The following HMSD variants were observed in gnomAD, a reference collection of about 807,000 sequenced individuals.
HMSD encodes the protein histocompatibility minor serpin domain containing.
In HMSD, 13 loss-of-function variants were observed where a neutral mutation model predicts 10.0. The observed-to-expected ratio is 1.31, with a 90% CI of 0.85 to 2.08. The LOEUF is 2.08. HMSD is among the 30% of genes most tolerant of loss of function. The pLI is 0.00. For synonymous variants in HMSD, 51 were observed against 54.2 expected (o/e 0.94, Z 0.26); for missense variants, 169 against 166.3 (o/e 1.02, Z -0.09).
Position 63,960,352 on chromosome 18 carries a change from A to G in HMSD, c.417A>G (p.Ile139Met), listed in dbSNP as rs1273124262. The change falls in exon 4 of 4, where the codon ATA becomes ATG. Residue 139 changes from isoleucine to methionine, a missense_variant. Transcript: ENST00000408945. ...TCAGTTCTTTACAAAACTGTCAAAT[A>G]TAAAAAGGAGTCCTTTTTTCTCTAA... ...FIVSSLQNCQI is the reference protein window; with the variant it reads ...FIVSSLQNCQM 6.4e-7 allele frequency: 1 copy of G among 1,574,318 alleles called. No homozygotes were observed. Among genetic ancestry groups the G allele is most frequent in the East Asian group, 2.3e-5 (1 of 43,248 alleles).
chr18:63,959,974 T>A (rs1408463040), intron 3 of HMSD, among the ~76,000 whole-genome samples, 184 bp from the exon 4 acceptor site: 1 of 152,240 alleles, frequency 6.6e-6, no homozygotes, highest in Admixed American at 6.5e-5. Flanking sequence ...TTGCTTAGTT[T>A]ATAAGCTAAG....
chr18:63,963,133 C>CTTTTCTTT (rs748638278), downstream of HMSD, among the ~76,000 whole-genome samples: 5 of 108,376 alleles, frequency 4.6e-5, no homozygotes, highest in African/African-American at 1.1e-4. Context: ...TTCTTTCTTT[C>CTTTTCTTT]CTTTCTTTCT....
downstream of HMSD, chr18:63,966,686 T>G (rs2050411019): frequency 6.6e-6 from 1 of 152,236 alleles, no homozygotes; most frequent in Non-Finnish European, 1.5e-5. Context: ...AAACTCTTCT[T>G]CCATCACTGA....
intron 3 of HMSD, among the ~76,000 whole-genome samples, chr18:63,956,089 C>G (rs908802968): frequency 2.0e-5 from 3 of 152,194 alleles, no homozygotes; most frequent in Admixed American, 2.0e-4. Flanking sequence ...GTAGAGGCCA[C>G]AGTTGTGGTT....
Position 63,954,532 on chromosome 18 carries a change from G to A in HMSD, c.197G>A (p.Gly66Glu), listed in dbSNP as rs746673163. ...YVLRTANGLF[G>E]EKSYDFLTGF... is the part of the protein sequence containing the mutation. ...CTTAGAACTGCCAACGGGCTCTTTG[G>A]AGAAAAGTCTTATGATTTCCTCACA... The change falls in exon 3 of 4, where the codon GGA becomes GAA. Residue 66 changes from glycine (G) to glutamate (E), a missense_variant. Gly to Glu is a moderately conservative substitution (Grantham distance 98, BLOSUM62 -2). Coordinates refer to ENST00000408945, the MANE Select transcript of HMSD (RefSeq NM_001123366.2). 1.2e-6 allele frequency: 2 copies of A among 1,612,118 alleles called. No individual in the cohort carries two copies. The highest frequency in any genetic ancestry group is 2.2e-5 in the South Asian group (2 of 90,816).
At chr18:63,963,095 T>TTCTTTCTTTCTTTCTTTCTTTTCTTTC (rs2050394721), downstream of HMSD, among the ~76,000 whole-genome samples, 2 of 129,272 alleles carry the variant, frequency 1.5e-5, no homozygotes, top group African/African-American at 7.2e-5. Context: ...CTTTCTTTCT[T>TTCTTTCTTTCTTTCTTTCTTTTCTTTC]TCTTTCTTTC....
intron 3 of HMSD, among the ~76,000 whole-genome samples, chr18:63,957,665 C>T (rs983936658): frequency 6.6e-6 from 1 of 152,206 alleles, no homozygotes; most frequent in African/African-American, 2.4e-5. Context: ...TAGTTTATTG[C>T]CATCTTTTTA....
At chr18:63,952,145 G>T (rs571103315) in intron 1 of HMSD, among the ~76,000 whole-genome samples, 19 of 123,408 alleles carry the variant, frequency 1.5e-4, no homozygotes, top group African/African-American at 4.2e-4. Context: ...GTGGTGGGGT[G>T]GGGGGAGGGG....
chr18:63,950,712 A>G (rs1182812725), intron 1 of HMSD, among the ~76,000 whole-genome samples: 1 of 150,644 alleles, frequency 6.6e-6, no homozygotes, highest in African/African-American at 2.5e-5. Flanking sequence ...ATTTGGCAAA[A>G]AAAAGAAAAA....
chr18:63,963,099 TTCTTTCTTTCTTTCTTTC>T (rs1423491347), downstream of HMSD, among the ~76,000 whole-genome samples: 1 of 132,400 alleles, frequency 7.6e-6, no homozygotes, highest in African/African-American at 3.4e-5. Context: ...CTTTCTTTCT[TTCTTTCTTTCTTTCTTTC>T]TTTCTTTCTT....
intron 1 of HMSD, among the ~76,000 whole-genome samples, chr18:63,950,415 CAAAAAAAAAAA>C (rs562421091): frequency 2.3e-4 from 9 of 39,056 alleles, no homozygotes; most frequent in East Asian, 1.3e-3. Flanking sequence ...GACTCTCTCT[CAAAAAAAAAAA>C]AAAAAAAAAA....
intron 1 of HMSD, among the ~76,000 whole-genome samples, chr18:63,952,784 T>C (rs1451881691): frequency 6.6e-6 from 1 of 152,226 alleles, no homozygotes; most frequent in Non-Finnish European, 1.5e-5. Context: ...TGGCATTTTC[T>C]TTTTCCTACC....
rs115239462 is a variant in HMSD at position 63,949,860 on chromosome 18, G to A, written c.-103+460G>A. On this transcript the variant is annotated intron_variant, in intron 1 of 3. Coordinates refer to ENST00000408945, the MANE Select transcript of HMSD (RefSeq NM_001123366.2). ...CGTATGCTCTCAGTATTCAGAATTT[G>A]TACTTGACATTCCTCCTCCTTTAAA... Among the ~76,000 whole-genome samples, 336 of 152,302 alleles carry A rather than the reference G, an allele frequency of 2.2e-3. 1 individual carries two copies. The highest frequency in any genetic ancestry group is 7.8e-3 in the African/African-American group (325 of 41,570).
intron 1 of HMSD, among the ~76,000 whole-genome samples, chr18:63,950,387 G>A (rs1159767083): frequency 1.6e-5 from 2 of 122,358 alleles, no homozygotes; most frequent in Non-Finnish European, 3.1e-5. Context: ...CTGCACTCCA[G>A]CCTGAGGGAC....
chr18:63,955,268 T>C (rs533007597), intron 3 of HMSD, among the ~76,000 whole-genome samples: 27 of 152,332 alleles, frequency 1.8e-4, no homozygotes, highest in African/African-American at 6.5e-4. Context: ...TGTCCTAAAT[T>C]CCTTCCATCT....
downstream of HMSD, among the ~76,000 whole-genome samples, chr18:63,965,737 A>G (rs1474342625): frequency 2.0e-5 from 3 of 152,202 alleles, no homozygotes; most frequent in Non-Finnish European, 4.4e-5. Flanking sequence ...GTGTTGCTAT[A>G]TAGGAATACC....
At chr18:63,956,360 AAAC>A (rs952437287) in intron 3 of HMSD, among the ~76,000 whole-genome samples, 29 of 149,510 alleles carry the variant, frequency 1.9e-4, no homozygotes, top group African/African-American at 6.8e-4. Context: ...ATTAAAAAAA[AAAC>A]AAACTTAAAT....
At chr18:63,962,042 C>T (rs1011261920), downstream of HMSD, among the ~76,000 whole-genome samples, 2 of 152,144 alleles carry the variant, frequency 1.3e-5, no homozygotes, top group Non-Finnish European at 1.5e-5. Context: ...TGTAAGTATC[C>T]ACAAAGTGAG....
downstream of HMSD, among the ~76,000 whole-genome samples, chr18:63,963,376 C>T (rs1360440590): frequency 1.3e-5 from 2 of 151,842 alleles, no homozygotes; most frequent in Admixed American, 6.6e-5. Flanking sequence ...AAGCATGTCT[C>T]CTGCCCCAGC....
Sources: allele counts gnomAD v4.1 joint callset (sites outside exome capture counted in the v4.1 genomes callset), GRCh38; gene constraint gnomAD v4.1.1; transcripts MANE v1.5; gene names NCBI Gene and HGNC (gene_info 2026-07-23, HGNC 2026-07-21).